ANKS3: variants seen among roughly 807,000 people sequenced by gnomAD.
ANKS3 encodes ankyrin repeat and sterile alpha motif domain containing 3.
In ANKS3, 62 loss-of-function variants were observed where a neutral mutation model predicts 80.7. That is an observed-to-expected ratio of 0.77 (90% CI 0.63 to 0.95). The LOEUF (loss-of-function observed/expected upper bound fraction) is 0.95, where lower values mean the gene tolerates loss of function less well. Among genes scored for constraint, ANKS3 ranks in the 40% least tolerant of loss-of-function variants. ANKS3 has a pLI of 0.00. For missense variants in ANKS3, 1,150 were observed against 883.6 expected, an observed-to-expected ratio of 1.30 and a Z score of -3.82; for synonymous variants, 489 against 355.3, an observed-to-expected ratio of 1.38 and a Z score of -4.23.
chr16:4,713,381 C>A (rs957271174), intron 7 of ANKS3, among the ~76,000 whole-genome samples: 1 of 152,084 alleles, frequency 6.6e-6, no homozygotes, highest in Non-Finnish European at 1.5e-5. Context: ...CCAACCACCA[C>A]CTGTTCTCCA....
intron 5 of ANKS3, among the ~76,000 whole-genome samples, chr16:4,726,069 G>A (rs1466117399): frequency 8.6e-5 from 13 of 151,162 alleles, no homozygotes; most frequent in African/African-American, 3.2e-4. Flanking sequence ...TCCACCTCCC[G>A]GGTTCACACC....
chr16:4,710,742 A>C (rs1435191864), intron 7 of ANKS3, among the ~76,000 whole-genome samples: 2 of 152,212 alleles, frequency 1.3e-5, no homozygotes, highest in Non-Finnish European at 2.9e-5. Flanking sequence ...ATGCCAAAAA[A>C]AGATAATAAC....
In ANKS3 at chr16:4,734,060, CG is replaced by C; in HGVS notation, c.-194del. On this transcript the variant is annotated 5_prime_UTR_variant, in exon 1 of 18. Coordinates refer to ENST00000304283, the MANE Select transcript of ANKS3 (RefSeq NM_133450.4). ...ATGTGGGGGCTCGGTCCTCCAGTCACGCGGCGAGCAAGTGCAGCGCGGGACG... is the reference window on the plus strand; with the variant it reads ...ATGTGGGGGCTCGGTCCTCCAGTCACCGGCGAGCAAGTGCAGCGCGGGACG... 1 of 979,738 alleles carries C rather than the reference CG, an allele frequency of 1.0e-6. No individual in the cohort carries two copies. Among genetic ancestry groups the C allele is most frequent in the Non-Finnish European group, 1.2e-6 (1 of 824,722 alleles). The allele number at this position is 979,738 out of a possible 1,614,324, so 60.7% of individuals were successfully genotyped here.
chr16:4,722,095 G>A (rs937527952), intron 6 of ANKS3, among the ~76,000 whole-genome samples: 1 of 151,358 alleles, frequency 6.6e-6, no homozygotes, highest in East Asian at 1.9e-4. Context: ...GGCAGGGTGG[G>A]GGACAGGCCT....
chr16:4,701,187 T>C (rs2079880079), intron 10 of ANKS3, 53 bp from the exon 11 acceptor site: 1 of 1,606,724 alleles, frequency 6.2e-7, no homozygotes, highest in Non-Finnish European at 8.5e-7. Flanking sequence ...TTGAGAGCCT[T>C]GGTGAAACCC....
chr16:4,711,521 C>A (rs931334197), intron 7 of ANKS3, among the ~76,000 whole-genome samples: 8 of 151,684 alleles, frequency 5.3e-5, no homozygotes, highest in African/African-American at 1.7e-4. Flanking sequence ...GAGTTTGAGA[C>A]CAGCCCGGCC....
chr16:4,714,167 C>T lies in ANKS3; in HGVS notation c.593G>A (p.Arg198Lys). ...CCGGGCTGTGGCTCCACTGTGGTCT[C>T]TCGCGTCCACCTTGACTCCCTGTGA... is the stretch of plus-strand genomic sequence containing the variant. Reference protein sequence around the residue: ...FLNHGVKVDARDHSGATARML... With the variant: ...FLNHGVKVDAKDHSGATARML... The change falls in exon 7 of 18, where the codon AGA (arginine) becomes AAA (lysine). Residue 198 changes from arginine to lysine, a missense_variant. Physicochemically the swap from Arg to Lys is conservative, Grantham distance 26 (BLOSUM62 2). Transcript: ENST00000304283. The T allele has an allele frequency of 1.9e-6, 3 of 1,614,142 alleles. No individual in the cohort carries two copies. Among genetic ancestry groups the T allele is most frequent in the Non-Finnish European group, 2.5e-6 (3 of 1,180,018 alleles).
intron 10 of ANKS3, 89 bp downstream of exon 10, chr16:4,701,345 C>T: frequency 7.3e-7 from 1 of 1,375,126 alleles, no homozygotes; most frequent in Non-Finnish European, 9.9e-7. Flanking sequence ...CTGCTTCTTA[C>T]ATACATGCTC....
chr16:4,696,965 A>C, intron 17 of ANKS3, 52 bp downstream of exon 17: 1 of 1,571,154 alleles, frequency 6.4e-7, no homozygotes. Context: ...GCAGCCGCCC[A>C]GACAGGCCCT....
chr16:4,717,264 C>A (rs1286467415), intron 6 of ANKS3, among the ~76,000 whole-genome samples: 3 of 148,642 alleles, frequency 2.0e-5, no homozygotes, highest in Non-Finnish European at 3.0e-5. Flanking sequence ...AAAATAATTT[C>A]TTGGCTGGGC....
rs773191081 is a variant in ANKS3, at chr16:4,698,487, G to A, written c.1664C>T (p.Ala555Val). Reference protein sequence around the residue: ...EQDRAREDLQARLRETWALAR... With the variant: ...EQDRAREDLQVRLRETWALAR... ...CAGGGCCCACGTCTCCCGCAGCCGG[G>A]CCTGGAGGTCCTCGCGGGCGCGGTC... Residue 555 changes from alanine (A) to valine (V), a missense_variant, in exon 14 of 18, where the codon GCC (alanine) becomes GTC (valine). Transcript: ENST00000304283. 6 of 1,551,512 alleles carry A rather than the reference G, an allele frequency of 3.9e-6. No individual in the cohort carries two copies. Among genetic ancestry groups the A allele is most frequent in the Non-Finnish European group, 8.7e-7 (1 of 1,156,038 alleles).
intron 8 of ANKS3, among the ~76,000 whole-genome samples, chr16:4,703,232 C>G (rs900253725): frequency 6.6e-6 from 1 of 152,132 alleles, no homozygotes; most frequent in African/African-American, 2.4e-5. Context: ...TCCACCTCAG[C>G]CTCTCATGTA....
chr16:4,715,700 C>A (rs1280949502), intron 6 of ANKS3, among the ~76,000 whole-genome samples: 2 of 152,074 alleles, frequency 1.3e-5, no homozygotes, highest in Non-Finnish European at 2.9e-5. Context: ...AGGTAACATA[C>A]CCAAAATGTT....
chr16:4,710,330 A>G (rs2080417781), intron 7 of ANKS3, among the ~76,000 whole-genome samples: 1 of 152,248 alleles, frequency 6.6e-6, no homozygotes, highest in South Asian at 2.1e-4. Context: ...TAATTTGATC[A>G]TTACACAGTG....
chr16:4,714,332 G>A, intron 6 of ANKS3, 146 bp from the exon 7 acceptor site: 6 of 1,248,664 alleles, frequency 4.8e-6, no homozygotes, highest in Non-Finnish European at 5.5e-6. Context: ...TGAGAAAGAG[G>A]CAGGCTTGTC....
intron 11 of ANKS3, 83 bp downstream of exon 11, chr16:4,700,887 A>G (rs924984438): frequency 6.5e-7 from 1 of 1,549,232 alleles, no homozygotes; most frequent in African/African-American, 1.4e-5. Context: ...AGCGCCTGGC[A>G]CGTCATATAC....
chr16:4,726,787 G>C lies in ANKS3; in HGVS notation c.370-7C>G. 6.2e-7 allele frequency: 1 copy of C among 1,611,660 alleles called. No homozygotes were observed. The highest frequency in any genetic ancestry group is 8.5e-7 in the Non-Finnish European group (1 of 1,178,022). Reference sequence around the variant, plus strand: ...TTTCTAGCTCTGCACCTTGCTTCAAGAGAACACAGAACGTGCGTTACGGCC... The same window carrying C: ...TTTCTAGCTCTGCACCTTGCTTCAACAGAACACAGAACGTGCGTTACGGCC... On this transcript the variant is annotated splice_polypyrimidine_tract_variant and splice_region_variant and intron_variant, in intron 4 of 17. Coordinates refer to ENST00000304283, the MANE Select transcript of ANKS3 (RefSeq NM_133450.4).
intron 6 of ANKS3, among the ~76,000 whole-genome samples, chr16:4,723,222 C>T (rs972144724): frequency 6.6e-6 from 1 of 152,190 alleles, no homozygotes; most frequent in Non-Finnish European, 1.5e-5. Context: ...AACGGCTTCT[C>T]GTATATTCAC....
chr16:4,727,434 T>C, intron 3 of ANKS3: 1 of 554,192 alleles, frequency 1.8e-6, no homozygotes, highest in Non-Finnish European at 3.2e-6. Flanking sequence ...GCTATGCTCT[T>C]TCACACCACC....
Sources: allele counts gnomAD v4.1 joint callset (sites outside exome capture counted in the v4.1 genomes callset), GRCh38; gene constraint gnomAD v4.1.1; transcripts MANE v1.5; gene names NCBI Gene and HGNC (gene_info 2026-07-23, HGNC 2026-07-21).